Variants in MAML2 observed in about 807,000 individuals in gnomAD.
The protein encoded by MAML2 is mastermind-like protein 2.
A neutral mutation model predicts 96.1 loss-of-function variants in MAML2; 22 were observed. That is an observed-to-expected ratio of 0.23 (90% CI 0.16 to 0.33). The LOEUF (loss-of-function observed/expected upper bound fraction) is 0.33. MAML2 is among the 10% of genes least tolerant of loss of function. The pLI, the probability that MAML2 is intolerant of heterozygous loss-of-function variation, is 1.00. For missense variants in MAML2, 1,367 were observed against 1,392.4 expected, an observed-to-expected ratio of 0.98 and a Z score of 0.29; for synonymous variants, 561 against 521.3, an observed-to-expected ratio of 1.08 and a Z score of -1.04.
At chr11:96,286,956 T>C (rs552889568) in intron 1 of MAML2, among the ~76,000 whole-genome samples, 2 of 152,212 alleles carry the variant, frequency 1.3e-5, no homozygotes, top group Non-Finnish European at 2.9e-5. Context: ...GATAGTTGTA[T>C]ATTCCAGTGC....
chr11:96,006,890 C>CAT (rs1279791569), intron 2 of MAML2, among the ~76,000 whole-genome samples: 2 of 150,194 alleles, frequency 1.3e-5, no homozygotes, highest in African/African-American at 4.9e-5. Flanking sequence ...CACACACACA[C>CAT]ACACACACAC....
intron 2 of MAML2, among the ~76,000 whole-genome samples, chr11:96,045,194 C>T (rs1858877107): frequency 6.6e-6 from 1 of 152,082 alleles, no homozygotes; most frequent in African/African-American, 2.4e-5. Context: ...TATGGATGTC[C>T]CTGGTCACCC....
At chr11:96,143,729 C>T (rs1029107685) in intron 1 of MAML2, among the ~76,000 whole-genome samples, 1 of 152,176 alleles carries the variant, frequency 6.6e-6, no homozygotes, top group Non-Finnish European at 1.5e-5. Context: ...TAGACAATCT[C>T]TTTAGAATGT....
intron 1 of MAML2, among the ~76,000 whole-genome samples, chr11:96,227,255 T>C (rs1862226376): frequency 6.6e-6 from 1 of 152,216 alleles, no homozygotes; most frequent in Non-Finnish European, 1.5e-5. Context: ...CTTATTATAG[T>C]TCATAGTTTC....
chr11:96,042,363 C>T (rs1858829220), intron 2 of MAML2, among the ~76,000 whole-genome samples: 1 of 152,078 alleles, frequency 6.6e-6, no homozygotes, highest in Admixed American at 6.6e-5. Flanking sequence ...CTCAGATGAT[C>T]CACCTGCCTC....
At chr11:96,067,279 C>T (rs896582739) in intron 2 of MAML2, among the ~76,000 whole-genome samples, 12 of 152,224 alleles carry the variant, frequency 7.9e-5, no homozygotes, top group Admixed American at 5.9e-4. Context: ...CAATGTTCAT[C>T]TGTCCAGTGT....
At chr11:96,333,038 A>G (rs1234587469) in intron 1 of MAML2, among the ~76,000 whole-genome samples, 5 of 152,196 alleles carry the variant, frequency 3.3e-5, no homozygotes, top group Non-Finnish European at 5.9e-5. Context: ...TTTCTACTGA[A>G]ATCTATGAGA....
chr11:96,197,352 C>T (rs973617431), intron 1 of MAML2, among the ~76,000 whole-genome samples: 1 of 152,104 alleles, frequency 6.6e-6, no homozygotes, highest in African/African-American at 2.4e-5. Context: ...TAAATCCAGC[C>T]TTAGTAATAC....
intron 1 of MAML2, among the ~76,000 whole-genome samples, chr11:96,230,290 C>T (rs1181154010): frequency 6.6e-6 from 1 of 152,168 alleles, no homozygotes; most frequent in East Asian, 1.9e-4. Context: ...ATTAATACCT[C>T]TTTCAAAGAT....
chr11:95,988,082 A>C (rs1857856264), intron 3 of MAML2, among the ~76,000 whole-genome samples: 1 of 151,088 alleles, frequency 6.6e-6, no homozygotes, highest in South Asian at 2.1e-4. Context: ...TTATGTAATT[A>C]GGTGTTTCTA....
At chr11:96,124,705 CAGAG>C (rs370542165) in intron 1 of MAML2, among the ~76,000 whole-genome samples, 200 of 150,938 alleles carry the variant, frequency 1.3e-3, no homozygotes, top group African/African-American at 4.4e-3. Flanking sequence ...GTGTGTGAGA[CAGAG>C]AGAGAGAGAG....
At chr11:96,079,602 C>T (rs1227803699) in intron 2 of MAML2, among the ~76,000 whole-genome samples, 1 of 152,220 alleles carries the variant, frequency 6.6e-6, no homozygotes, top group Non-Finnish European at 1.5e-5. Flanking sequence ...AAGCACTTGG[C>T]ATATAGTAGG....
At chr11:96,306,984 C>T (rs533459542) in intron 1 of MAML2, among the ~76,000 whole-genome samples, 1 of 152,288 alleles carries the variant, frequency 6.6e-6, no homozygotes, top group Admixed American at 6.5e-5. Flanking sequence ...ACTCAGCACT[C>T]TATCTTTCCC....
intron 1 of MAML2, among the ~76,000 whole-genome samples, chr11:96,198,629 T>C (rs930385847): frequency 7.9e-5 from 12 of 152,192 alleles, no homozygotes; most frequent in Admixed American, 6.5e-4. Context: ...CCCCAGGTAT[T>C]CTGTGAACAG....
intron 2 of MAML2, among the ~76,000 whole-genome samples, chr11:96,006,628 G>A (rs1054365539): frequency 4.7e-5 from 7 of 149,474 alleles, no homozygotes; most frequent in Middle Eastern, 3.4e-3. Flanking sequence ...GCATGATCTC[G>A]GTCCACTGCA....
intron 1 of MAML2, among the ~76,000 whole-genome samples, chr11:96,184,198 T>G (rs113443986): frequency 0.013 from 2,015 of 152,280 alleles, 40 homozygotes; most frequent in African/African-American, 0.046. Flanking sequence ...ATCCCAGCAC[T>G]TTGGGATGCT....
At chr11:96,008,288 T>C (rs1389849567) in intron 2 of MAML2, among the ~76,000 whole-genome samples, 1 of 152,190 alleles carries the variant, frequency 6.6e-6, no homozygotes, top group Non-Finnish European at 1.5e-5. Flanking sequence ...GATTTGAACA[T>C]AACTGTCCAG....
At chr11:96,155,281 G>T (rs186677528) in intron 1 of MAML2, among the ~76,000 whole-genome samples, 1 of 152,018 alleles carries the variant, frequency 6.6e-6, no homozygotes, top group East Asian at 1.9e-4. Flanking sequence ...CAGAAAGGGT[G>T]AAGAGAATGC....
Position 96,341,854 on chromosome 11 carries a change from T to C in MAML2, c.42A>G (p.Leu14=). The change falls in exon 1 of 5, where the codon CTA becomes CTG. Residue 14 remains leucine (L), a synonymous_variant. Transcript: ENST00000524717. ...TAPPQAPAGG[L]GGASGAGLLG... ...GGAGCCCCGCCCCAGAGGCCCCCCC[T>C]AGCCCTCCTGCGGGGGCCTGCGGGG... The C allele has an allele frequency of 6.4e-7, 1 of 1,557,948 alleles. No individual in the cohort carries two copies.
Sources: gnomAD v4.1 joint callset for allele counts (sites outside exome capture counted in the v4.1 genomes callset) on GRCh38, gnomAD v4.1.1 for gene constraint, MANE v1.5 for transcripts, NCBI Gene and HGNC (gene_info 2026-07-23, HGNC 2026-07-21) for gene names.